RBKS: variants seen among roughly 807,000 people sequenced by gnomAD.
The protein encoded by RBKS is ribokinase.
In RBKS, 33 loss-of-function variants were observed where a neutral mutation model predicts 33.9. That is an observed-to-expected ratio of 0.97 (90% CI 0.74 to 1.30). The LOEUF (loss-of-function observed/expected upper bound fraction) is 1.30. Ranked by LOEUF, RBKS falls within the 50% of genes most tolerant of loss-of-function variation. The pLI is 0.00. For synonymous variants in RBKS, 125 were observed against 143.0 expected (o/e 0.87, Z 0.90); for missense variants, 361 against 392.6 (o/e 0.92, Z 0.68).
At chr2:27,811,642 T>C (rs1677986874) in intron 7 of RBKS, among the ~76,000 whole-genome samples, 2 of 152,154 alleles carry the variant, frequency 1.3e-5, no homozygotes, top group Admixed American at 1.3e-4. Flanking sequence ...AAACTCTCCT[T>C]CTACAAGATA....
chr2:27,830,000 T>C (rs2148203908), intron 6 of RBKS, among the ~76,000 whole-genome samples: 1 of 152,258 alleles, frequency 6.6e-6, no homozygotes, highest in Non-Finnish European at 1.5e-5. Flanking sequence ...ACTTTTAGTA[T>C]CCATGACCCA....
chr2:27,786,223 A>C (rs1677398381), intron 7 of RBKS, among the ~76,000 whole-genome samples: 1 of 152,246 alleles, frequency 6.6e-6, no homozygotes, highest in South Asian at 2.1e-4. Flanking sequence ...TGTGCAAGGT[A>C]CAGGGACAGT....
intron 7 of RBKS, among the ~76,000 whole-genome samples, chr2:27,784,814 G>A (rs1677368288): frequency 6.6e-6 from 1 of 152,184 alleles, no homozygotes; most frequent in Non-Finnish European, 1.5e-5. Context: ...TGCCTAAAAT[G>A]TGTTAGGCCC....
rs1677968910 is a variant in RBKS, at chr2:27,810,463, A to G, written c.795+17104T>C. 6.6e-6 allele frequency among the ~76,000 whole-genome samples: 1 copy of G among 151,890 alleles called. No homozygotes were observed. Among genetic ancestry groups the G allele is most frequent in the Non-Finnish European group, 1.5e-5 (1 of 68,006 alleles). On this transcript the variant is annotated intron_variant, in intron 7 of 7. Coordinates refer to ENST00000302188, the MANE Select transcript of RBKS (RefSeq NM_022128.3). The surrounding 1 kb of genome is among the most constrained non-coding windows in gnomAD (Gnocchi z 4.4). ...CCGGATGGAAGGGCATTTATGGATC[A>G]CCTGAGATTTTAATTTTATTTTTTG... is the stretch of plus-strand genomic sequence containing the variant.
intron 7 of RBKS, among the ~76,000 whole-genome samples, chr2:27,811,403 TG>T (rs1677983285): frequency 6.6e-6 from 1 of 152,212 alleles, no homozygotes; most frequent in African/African-American, 2.4e-5. Context: ...AAGTGTACAG[TG>T]GGATGTGCCT....
At chr2:27,796,839 A>C (rs1057118726) in intron 7 of RBKS, among the ~76,000 whole-genome samples, 1 of 152,152 alleles carries the variant, frequency 6.6e-6, no homozygotes, top group African/African-American at 2.4e-5. Flanking sequence ...CAATGTTGCC[A>C]TAGGGAGGCT....
chr2:27,838,045 C>CA (rs1401415306), intron 5 of RBKS, among the ~76,000 whole-genome samples: 1 of 151,974 alleles, frequency 6.6e-6, no homozygotes, highest in Non-Finnish European at 1.5e-5. Flanking sequence ...ATTAAAAATA[C>CA]AAAAATTAGC....
chr2:27,797,972 G>T (rs1677693455), intron 7 of RBKS, among the ~76,000 whole-genome samples: 1 of 152,114 alleles, frequency 6.6e-6, no homozygotes, highest in South Asian at 2.1e-4. Flanking sequence ...GGAGGTACTA[G>T]CAATGTCCTG....
intron 7 of RBKS, among the ~76,000 whole-genome samples, chr2:27,782,167 T>C (rs1677301207): frequency 6.6e-6 from 1 of 152,000 alleles, no homozygotes. Context: ...ATTTTTTTTT[T>C]CTTTTTTTTA....
intron 7 of RBKS, among the ~76,000 whole-genome samples, chr2:27,808,869 C>T (rs1677939642): frequency 6.6e-6 from 1 of 152,258 alleles, no homozygotes. Context: ...GCCTGAGCCT[C>T]ACCCTCTAGG....
chr2:27,783,172 G>A (rs1248307653), intron 7 of RBKS, among the ~76,000 whole-genome samples: 2 of 152,148 alleles, frequency 1.3e-5, no homozygotes, highest in Non-Finnish European at 2.9e-5. Flanking sequence ...GCCGGGCGTG[G>A]TGGCTCACAC....
chr2:27,848,457 C>A (rs1197091074), intron 2 of RBKS, among the ~76,000 whole-genome samples: 1 of 152,120 alleles, frequency 6.6e-6, no homozygotes, highest in East Asian at 1.9e-4. Flanking sequence ...ATATGGGTAT[C>A]TTTGTCATGA....
At chr2:27,789,406 T>G (rs1677465442) in intron 7 of RBKS, among the ~76,000 whole-genome samples, 1 of 151,376 alleles carries the variant, frequency 6.6e-6, no homozygotes, top group Non-Finnish European at 1.5e-5. Flanking sequence ...GAAGCTTTTT[T>G]TTTTTTTTTT....
At chr2:27,882,835 T>G (rs1664444770) in intron 1 of RBKS, among the ~76,000 whole-genome samples, 1 of 152,116 alleles carries the variant, frequency 6.6e-6, no homozygotes, top group Non-Finnish European at 1.5e-5. Flanking sequence ...TACAGAAAGC[T>G]AAATACTGCA....
intron 7 of RBKS, among the ~76,000 whole-genome samples, chr2:27,806,624 C>G (rs905184404): frequency 5.7e-4 from 87 of 152,352 alleles, no homozygotes; most frequent in African/African-American, 1.9e-3. Context: ...TCCCAGTCCC[C>G]ATTAAAGCAG....
chr2:27,854,776 A>G (rs1478072192), intron 2 of RBKS, among the ~76,000 whole-genome samples: 4 of 149,706 alleles, frequency 2.7e-5, no homozygotes, highest in Non-Finnish European at 5.9e-5. Flanking sequence ...AATATTTAAC[A>G]GCTTTACTGA....
chr2:27,825,164 A>G (rs964057657), intron 7 of RBKS, among the ~76,000 whole-genome samples: 1 of 151,892 alleles, frequency 6.6e-6, no homozygotes, highest in Non-Finnish European at 1.5e-5. Context: ...AATTTTAGAT[A>G]TTATCTCTTG....
At chr2:27,794,395 C>G (rs907990656) in intron 7 of RBKS, among the ~76,000 whole-genome samples, 1 of 150,616 alleles carries the variant, frequency 6.6e-6, no homozygotes, top group African/African-American at 2.4e-5. Flanking sequence ...CAATATCAGT[C>G]ACTCTTTGTG....
At chr2:27,807,570 A>G (rs12986980) in intron 7 of RBKS, among the ~76,000 whole-genome samples, 54,641 of 151,716 alleles carry the variant, frequency 0.36, 12,252 homozygotes, top group East Asian at 0.65. Flanking sequence ...TGTAGAGATG[A>G]GGTCTCTCTA....
Sources: allele counts gnomAD v4.1 joint callset (sites outside exome capture counted in the v4.1 genomes callset), GRCh38; gene constraint gnomAD v4.1.1; non-coding constraint Gnocchi (gnomAD v3.1); transcripts MANE v1.5; gene names NCBI Gene and HGNC (gene_info 2026-07-23, HGNC 2026-07-21).